FGD4: variants seen among roughly 807,000 people sequenced by gnomAD.
FGD4 encodes FYVE, RhoGEF and PH domain containing 4, also known as FYVE, RhoGEF and PH domain-containing protein 4.
FGD4 carries 42 observed loss-of-function variants against 102.0 expected under a neutral mutation model. The ratio of observed to expected loss-of-function variants is 0.41; its 90% CI spans 0.32 to 0.53. The LOEUF (loss-of-function observed/expected upper bound fraction) is 0.53. Ranked by LOEUF, FGD4 falls within the 20% of genes least tolerant of loss-of-function variation. The probability of loss-of-function intolerance (pLI) is 0.21; values close to 1 mark genes in which losing one functional copy is unlikely to be tolerated. For synonymous variants in FGD4, 380 were observed against 375.7 expected (o/e 1.01, Z -0.13); for missense variants, 902 against 1,078.2 (o/e 0.84, Z 2.29).
In FGD4 at chr12:32,579,336, G is replaced by A. The variant is rs145059664; in HGVS notation, c.504-2624G>A. On this transcript the variant is annotated intron_variant, in intron 3 of 16. Transcript: ENST00000534526. ...TGGGATTACCGGCGTGAGCTACCGT[G>A]CCCGGCCGGAACATTGGTTTTTCCC... Among the ~76,000 whole-genome samples the A allele has an allele frequency of 2.0e-3, 310 of 152,202 alleles. 2 individuals are homozygous for A. The highest frequency in any genetic ancestry group is 7.1e-3 in the African/African-American group (294 of 41,524).
intron 1 of FGD4, among the ~76,000 whole-genome samples, chr12:32,550,484 A>C (rs1235318612): frequency 2.0e-5 from 3 of 151,998 alleles, no homozygotes; most frequent in Non-Finnish European, 4.4e-5. Flanking sequence ...AGCCTGGGCA[A>C]AATAGTGGGA....
At chr12:32,487,411 ATTGTTATTAT>A (rs1284899536) in intron 1 of FGD4, among the ~76,000 whole-genome samples, 4 of 143,412 alleles carry the variant, frequency 2.8e-5, no homozygotes, top group East Asian at 4.3e-4. Context: ...TAAAATTTAT[ATTGTTATTAT>A]TTGTTATTAT....
chr12:32,462,323 A>AT (rs893960617), intron 1 of FGD4, among the ~76,000 whole-genome samples: 49 of 151,084 alleles, frequency 3.2e-4, no homozygotes, highest in Non-Finnish European at 5.8e-4. Context: ...GGCCTGGCTA[A>AT]TTTTTTTTTG....
intron 1 of FGD4, among the ~76,000 whole-genome samples, chr12:32,509,050 T>G (rs1939087407): frequency 6.6e-6 from 1 of 152,374 alleles, no homozygotes; most frequent in East Asian, 1.9e-4. Context: ...TGTCAGAGAC[T>G]GCAAAGTATA....
intron 1 of FGD4, among the ~76,000 whole-genome samples, chr12:32,498,848 G>T (rs1438160874): frequency 6.6e-6 from 1 of 152,188 alleles, no homozygotes; most frequent in African/African-American, 2.4e-5. Context: ...TGATCCGCCT[G>T]CCTTGGCCTC....
chr12:32,448,799 A>G (rs780842641), intron 1 of FGD4, among the ~76,000 whole-genome samples: 11 of 152,164 alleles, frequency 7.2e-5, no homozygotes, highest in African/African-American at 1.9e-4. Context: ...AGGCTGCAGT[A>G]TAGGAGAGGA....
intron 1 of FGD4, among the ~76,000 whole-genome samples, chr12:32,523,983 A>G (rs1010202623): frequency 3.3e-5 from 5 of 151,854 alleles, no homozygotes; most frequent in African/African-American, 1.2e-4. Context: ...GTCTCAAAAA[A>G]GAGAAAATAC....
chr12:32,474,591 G>A (rs1329878486), intron 1 of FGD4, among the ~76,000 whole-genome samples: 2 of 152,162 alleles, frequency 1.3e-5, no homozygotes, highest in African/African-American at 4.8e-5. Flanking sequence ...GCTGGAATGG[G>A]GGAAGGTGAT....
At chr12:32,489,885 G>A (rs1399878745) in intron 1 of FGD4, among the ~76,000 whole-genome samples, 3 of 151,994 alleles carry the variant, frequency 2.0e-5, no homozygotes, top group African/African-American at 4.8e-5. Flanking sequence ...CATATATTCT[G>A]TATTGTCAGA....
chr12:32,638,880 A>T, intron 16 of FGD4, 85 bp downstream of exon 16: 1 of 1,601,506 alleles, frequency 6.2e-7, no homozygotes, highest in Non-Finnish European at 8.5e-7. Context: ...AATCTGTAGA[A>T]CAAGAGTTCA....
chr12:32,606,465 T>A (rs1342959668), intron 7 of FGD4, among the ~76,000 whole-genome samples: 2 of 149,598 alleles, frequency 1.3e-5, no homozygotes, highest in Non-Finnish European at 3.0e-5. Flanking sequence ...CTCTACTTAT[T>A]TTTTTTTTTT....
chr12:32,579,652 A>G (rs1946434649), intron 3 of FGD4: 1 of 152,212 alleles, frequency 6.6e-6, no homozygotes, highest in Admixed American at 6.5e-5. Context: ...TGGGCAGGAG[A>G]AGGAGGACAG....
intron 7 of FGD4, among the ~76,000 whole-genome samples, chr12:32,603,513 G>A (rs1434531304): frequency 1.3e-5 from 2 of 151,742 alleles, no homozygotes; most frequent in African/African-American, 4.8e-5. Context: ...GCCTCAGCCT[G>A]TTGCTGGGAC....
intron 1 of FGD4, among the ~76,000 whole-genome samples, chr12:32,492,197 G>A (rs1334897175): frequency 2.0e-5 from 3 of 152,170 alleles, no homozygotes; most frequent in Admixed American, 6.5e-5. Flanking sequence ...AACTTGAAAT[G>A]AATGTATTGA....
chr12:32,435,908 C>A (rs1252214406), intron 1 of FGD4, among the ~76,000 whole-genome samples: 1 of 152,118 alleles, frequency 6.6e-6, no homozygotes, highest in Non-Finnish European at 1.5e-5. Flanking sequence ...CATAACTAAC[C>A]AATACTTTCG....
chr12:32,537,542 C>G (rs1461071621), intron 1 of FGD4, among the ~76,000 whole-genome samples: 1 of 152,172 alleles, frequency 6.6e-6, no homozygotes, highest in Non-Finnish European at 1.5e-5. Flanking sequence ...ATCCCCTGTT[C>G]TTTCAATGAT....
rs1378299317 is a variant in FGD4 at position 32,399,709 on chromosome 12, G to C, written c.-85G>C. On this transcript the variant is annotated 5_prime_UTR_variant, in exon 1 of 17. Coordinates refer to ENST00000534526, the MANE Select transcript of FGD4 (RefSeq NM_001370298.3). The stretch of plus-strand genomic sequence containing the variant: ...GCGCCCCCGGAGTCGCGCCGAACCT[G>C]GGCATGCAGGCGACGCCCCCCAGGG... 3 of 1,486,806 alleles carry C rather than the reference G, an allele frequency of 2.0e-6. No homozygotes were observed. In the African/African-American group the frequency reaches 4.4e-5, roughly 22 times the overall value. 92.1% of individuals were successfully genotyped at this position (1,486,806 alleles called of 1,614,324 possible).
chr12:32,624,571 A>G, intron 12 of FGD4, 119 bp downstream of exon 12: 5 of 863,592 alleles, frequency 5.8e-6, no homozygotes, highest in Non-Finnish European at 9.3e-6. Context: ...TCTGGGCTCA[A>G]GCAAGCCTTG....
At chr12:32,566,291 T>A (rs994920882) in intron 2 of FGD4, among the ~76,000 whole-genome samples, 11 of 152,204 alleles carry the variant, frequency 7.2e-5, no homozygotes, top group African/African-American at 2.7e-4. Context: ...TCAGTCCTCA[T>A]GACCTACTCA....
Sources: allele counts gnomAD v4.1 joint callset (sites outside exome capture counted in the v4.1 genomes callset), GRCh38; gene constraint gnomAD v4.1.1; transcripts MANE v1.5; gene names NCBI Gene and HGNC (gene_info 2026-07-23, HGNC 2026-07-21).